The following CR1L variants were observed in gnomAD, a reference collection of about 807,000 sequenced individuals.
CR1L encodes the protein complement component receptor 1-like protein.
In CR1L, 59 loss-of-function variants were observed where a neutral mutation model predicts 62.3. The observed-to-expected ratio is 0.95, with a 90% CI of 0.77 to 1.18. The LOEUF (loss-of-function observed/expected upper bound fraction) is 1.18. CR1L is among the 50% of genes most tolerant of loss of function. CR1L has a pLI of 0.00. For missense variants in CR1L, 700 were observed against 702.8 expected (o/e 1.00, Z 0.04); for synonymous variants, 279 against 248.7 (o/e 1.12, Z -1.15).
intron 4 of CR1L, among the ~76,000 whole-genome samples, chr1:207,686,755 A>G (rs1206220866): frequency 2.0e-5 from 3 of 152,146 alleles, no homozygotes; most frequent in African/African-American, 7.2e-5. Flanking sequence ...GTTTGAGTCC[A>G]CCCCAAATCC....
At chr1:207,697,906 T>C (rs761932191) in intron 7 of CR1L, 33 bp downstream of exon 7, 2 of 1,613,250 alleles carry the variant, frequency 1.2e-6, no homozygotes, top group Non-Finnish European at 1.7e-6. Context: ...TGCTGGACAT[T>C]GAAATTGGGG....
At chr1:207,704,395 T>C (rs780461530) in intron 9 of CR1L, among the ~76,000 whole-genome samples, 1 of 152,236 alleles carries the variant, frequency 6.6e-6, no homozygotes, top group Admixed American at 6.5e-5. Context: ...ATGAGCATTG[T>C]TAAAATGACC....
chr1:207,711,956 G>T (rs1471632939), intron 10 of CR1L, among the ~76,000 whole-genome samples: 1 of 152,056 alleles, frequency 6.6e-6, no homozygotes, highest in East Asian at 1.9e-4. Context: ...AATTGAAGCG[G>T]GCTTACAGGA....
intron 11 of CR1L, among the ~76,000 whole-genome samples, chr1:207,718,108 C>T (rs765739176): frequency 2.6e-5 from 4 of 152,266 alleles, no homozygotes; most frequent in Admixed American, 6.5e-5. Context: ...GAACTGATAA[C>T]GCTATAAAAG....
intron 1 of CR1L, among the ~76,000 whole-genome samples, chr1:207,674,307 C>G (rs1224154803): frequency 6.6e-6 from 1 of 152,140 alleles, no homozygotes; most frequent in Non-Finnish European, 1.5e-5. Flanking sequence ...TATAAGTAAT[C>G]AAATTGTACA....
intron 1 of CR1L, among the ~76,000 whole-genome samples, chr1:207,646,074 G>A (rs1022390504): frequency 6.6e-6 from 1 of 151,322 alleles, no homozygotes; most frequent in South Asian, 2.1e-4. Context: ...AACAGTGTCC[G>A]TGTTGCCTGA....
intron 9 of CR1L, among the ~76,000 whole-genome samples, chr1:207,702,951 C>T (rs751342040): frequency 2.6e-5 from 4 of 152,104 alleles, no homozygotes; most frequent in African/African-American, 7.2e-5. Flanking sequence ...GGCGTTGTGG[C>T]GGGTTGCCTG....
At chr1:207,652,748 G>C (rs928820049) in intron 1 of CR1L, 1 of 728,354 alleles carries the variant, frequency 1.4e-6, no homozygotes, top group Non-Finnish European at 2.4e-6. Flanking sequence ...AAATAAACTA[G>C]CCTTTTTTTT....
chr1:207,698,484 A>T (rs1853528), intron 7 of CR1L, among the ~76,000 whole-genome samples: 1 of 151,882 alleles, frequency 6.6e-6, no homozygotes, highest in Admixed American at 6.6e-5. Context: ...AGTGCTCTTC[A>T]CAGGGTGCAC....
intron 4 of CR1L, 55 bp from the exon 5 acceptor site, chr1:207,694,298 C>G: frequency 6.3e-7 from 1 of 1,595,254 alleles, no homozygotes; most frequent in Non-Finnish European, 8.6e-7. Flanking sequence ...AGTTTAGTGA[C>G]TCGTGAGATT....
At chr1:207,695,216 C>T (rs917144508) in intron 5 of CR1L, among the ~76,000 whole-genome samples, 4 of 152,152 alleles carry the variant, frequency 2.6e-5, no homozygotes, top group Admixed American at 6.5e-5. Context: ...ACCGCCACCT[C>T]CCTGGCTCAA....
chr1:207,677,379 T>C lies in CR1L; in HGVS notation c.98-10T>C. On this transcript the variant is annotated splice_polypyrimidine_tract_variant and intron_variant, in intron 1 of 11. Coordinates refer to ENST00000508064, the MANE Select transcript of CR1L (RefSeq NM_175710.2). ...ATTAACTTCGATGCTGCTGTGGTCT[T>C]GATCCCCAGATCAATGCAATGTCCC... 4 of 1,578,332 alleles carry C rather than the reference T, an allele frequency of 2.5e-6. No homozygotes were observed. The South Asian group carries it at 4.8e-5, about 19-fold the overall frequency.
chr1:207,699,408 A>C, intron 8 of CR1L, 134 bp downstream of exon 8: 1 of 1,115,112 alleles, frequency 9.0e-7, no homozygotes, highest in East Asian at 2.5e-5. Flanking sequence ...TATTTTAGTA[A>C]TGTTTGGTTG....
At chr1:207,692,391 C>T (rs1664010802) in intron 4 of CR1L, among the ~76,000 whole-genome samples, 1 of 152,156 alleles carries the variant, frequency 6.6e-6, no homozygotes, top group African/African-American at 2.4e-5. Flanking sequence ...CCTTAATGCC[C>T]TTTCTAGTTC....
intron 1 of CR1L, among the ~76,000 whole-genome samples, chr1:207,676,919 G>T (rs1208708274): frequency 2.6e-5 from 4 of 151,978 alleles, no homozygotes; most frequent in Non-Finnish European, 4.4e-5. Context: ...GTCTCCCAAA[G>T]TGCTGGAATT....
At chr1:207,702,394 G>T (rs1251284032) in intron 9 of CR1L, among the ~76,000 whole-genome samples, 1 of 152,042 alleles carries the variant, frequency 6.6e-6, no homozygotes, top group Non-Finnish European at 1.5e-5. Flanking sequence ...CTAAAATGAG[G>T]CCAATTAATA....
chr1:207,697,968 A>G (rs1158411075), intron 7 of CR1L, 95 bp downstream of exon 7: 1 of 1,540,414 alleles, frequency 6.5e-7, no homozygotes, highest in Non-Finnish European at 8.9e-7. Context: ...AAAAAGACAG[A>G]CAGACAGACA....
chr1:207,663,445 T>G (rs542577347), intron 1 of CR1L, among the ~76,000 whole-genome samples: 34 of 152,364 alleles, frequency 2.2e-4, no homozygotes, highest in African/African-American at 7.9e-4. Flanking sequence ...CTCTGAGCCA[T>G]GTGCGGGATA....
chr1:207,657,509 C>A (rs1571644076), intron 1 of CR1L: 2 of 403,746 alleles, frequency 5.0e-6, no homozygotes, highest in East Asian at 8.6e-5. Context: ...TTCACCCCCA[C>A]ATGTTCTTGG....
Sources: gnomAD v4.1 joint callset for allele counts (sites outside exome capture counted in the v4.1 genomes callset) on GRCh38, gnomAD v4.1.1 for gene constraint, MANE v1.5 for transcripts, NCBI Gene and HGNC (gene_info 2026-07-23, HGNC 2026-07-21) for gene names.